The following NRXN3 variants were observed in gnomAD, a reference collection of about 807,000 sequenced individuals.
NRXN3 encodes the protein neurexin III.
Under a neutral mutation model 137.6 loss-of-function variants are expected in NRXN3, and 32 were observed. The ratio of observed to expected loss-of-function variants is 0.23; its 90% confidence interval spans 0.18 to 0.31. The LOEUF is 0.31. Ranked by LOEUF, NRXN3 falls within the 10% of genes least tolerant of loss-of-function variation. NRXN3 has a pLI of 1.00. For missense variants in NRXN3, 1,574 were observed against 2,062.5 expected (o/e 0.76, Z 4.59); for synonymous variants, 798 against 784.5 (o/e 1.02, Z -0.29).
At chr14:79,615,981 G>A (rs1303770283) in intron 16 of NRXN3, among the ~76,000 whole-genome samples, 1 of 152,134 alleles carries the variant, frequency 6.6e-6, no homozygotes, top group Non-Finnish European at 1.5e-5. Flanking sequence ...TAGTAAGTAA[G>A]AGAGCAAGAA....
At chr14:78,254,892 T>C (rs1436875956) in intron 2 of NRXN3, among the ~76,000 whole-genome samples, 6 of 152,086 alleles carry the variant, frequency 3.9e-5, no homozygotes, top group African/African-American at 1.2e-4. Flanking sequence ...GAAGCAGTAT[T>C]GAGTAGCTGC....
chr14:78,546,542 C>T (rs1304746433), intron 4 of NRXN3, among the ~76,000 whole-genome samples: 3 of 152,060 alleles, frequency 2.0e-5, no homozygotes, highest in Admixed American at 2.0e-4. Flanking sequence ...TTCCAGTCTT[C>T]GTAGAGAATG....
At chr14:79,758,831 C>A (rs2099028836) in intron 19 of NRXN3, among the ~76,000 whole-genome samples, 2 of 152,120 alleles carry the variant, frequency 1.3e-5, no homozygotes, top group African/African-American at 4.8e-5. Flanking sequence ...ATTCAAAAAC[C>A]TTTTTACCTC....
At chr14:79,810,234 G>A (rs1009547022) in intron 20 of NRXN3, among the ~76,000 whole-genome samples, 1 of 152,096 alleles carries the variant, frequency 6.6e-6, no homozygotes, top group African/African-American at 2.4e-5. Flanking sequence ...CTAATAAGTG[G>A]GCATGGCAAT....
intron 1 of NRXN3, among the ~76,000 whole-genome samples, chr14:78,189,532 C>G (rs570479472): frequency 2.6e-5 from 4 of 152,152 alleles, no homozygotes; most frequent in African/African-American, 4.8e-5. Context: ...GCCACTTAAA[C>G]TCTCTGATCC....
chr14:79,435,591 G>GACACAC (rs1165199165), intron 15 of NRXN3, among the ~76,000 whole-genome samples: 7 of 57,280 alleles, frequency 1.2e-4, no homozygotes, highest in African/African-American at 1.8e-4. Flanking sequence ...AGAACACTAA[G>GACACAC]ATACACACAC....
At chr14:78,275,273 G>T (rs922797326) in intron 2 of NRXN3, among the ~76,000 whole-genome samples, 4 of 152,074 alleles carry the variant, frequency 2.6e-5, no homozygotes, top group Admixed American at 1.3e-4. Context: ...TTCATTCACT[G>T]CTTGTATCTC....
chr14:78,952,088 A>T (rs1410029271), intron 10 of NRXN3, among the ~76,000 whole-genome samples: 1 of 152,144 alleles, frequency 6.6e-6, no homozygotes, highest in African/African-American at 2.4e-5. Flanking sequence ...TCTGTAGAAG[A>T]CTTCAAGAAA....
rs561195865 is a variant in NRXN3, at chr14:79,830,150, G to A, written c.4093+24960G>A. On this transcript the variant is annotated intron_variant, in intron 20 of 20. Transcript: ENST00000335750. ...CTGGCATGACTTGTCCAGACAAGTT[G>A]CATCATTTTAAAATGAATGAAGTTC... Among the ~76,000 whole-genome samples the A allele has an allele frequency of 2.6e-5, 4 of 152,290 alleles. No homozygotes were observed. In the East Asian group the frequency reaches 7.7e-4, roughly 29 times the overall value.
intron 15 of NRXN3, among the ~76,000 whole-genome samples, chr14:79,218,972 T>A (rs1210800725): frequency 6.6e-6 from 1 of 152,028 alleles, no homozygotes; most frequent in Non-Finnish European, 1.5e-5. Flanking sequence ...ATAGTCCCAG[T>A]GAGATATGAT....
At chr14:79,116,353 C>A (rs1318941791) in intron 15 of NRXN3, among the ~76,000 whole-genome samples, 2 of 152,206 alleles carry the variant, frequency 1.3e-5, no homozygotes, top group African/African-American at 2.4e-5. Context: ...AGACCTCTAA[C>A]TCTCTCCTGC....
chr14:78,423,617 T>C (rs1304512409), intron 4 of NRXN3, among the ~76,000 whole-genome samples: 1 of 152,198 alleles, frequency 6.6e-6, no homozygotes, highest in Admixed American at 6.5e-5. Flanking sequence ...CCACAAACTC[T>C]TTTCAAGTAA....
intron 1 of NRXN3, among the ~76,000 whole-genome samples, chr14:78,183,426 T>A (rs10483893): frequency 0.31 from 47,122 of 152,016 alleles, 8,743 homozygotes; most frequent in Middle Eastern, 0.41. Flanking sequence ...GACCAGTAGA[T>A]GTGAGTGTAG....
chr14:79,199,752 T>G (rs1355684151), intron 15 of NRXN3, among the ~76,000 whole-genome samples: 1 of 152,150 alleles, frequency 6.6e-6, no homozygotes, highest in East Asian at 1.9e-4. Flanking sequence ...AGACAAACCA[T>G]GGTTGGGGCC....
chr14:78,910,496 A>G (rs2099234032), intron 10 of NRXN3, among the ~76,000 whole-genome samples: 1 of 152,008 alleles, frequency 6.6e-6, no homozygotes, highest in Non-Finnish European at 1.5e-5. Flanking sequence ...CTGGGCCTTT[A>G]AAGTTGCTGC....
At chr14:78,603,984 T>C (rs894462549) in intron 4 of NRXN3, among the ~76,000 whole-genome samples, 2 of 152,196 alleles carry the variant, frequency 1.3e-5, no homozygotes, top group Non-Finnish European at 2.9e-5. Flanking sequence ...GGAAAGAGGT[T>C]TAATGGACTC....
At chr14:79,232,004 C>A (rs888687648) in intron 15 of NRXN3, among the ~76,000 whole-genome samples, 10 of 151,920 alleles carry the variant, frequency 6.6e-5, no homozygotes, top group Non-Finnish European at 4.4e-5. Context: ...CTTTATTGGT[C>A]TCATATAAGG....
intron 1 of NRXN3, among the ~76,000 whole-genome samples, chr14:78,175,642 G>A (rs571561576): frequency 1.3e-5 from 2 of 152,124 alleles, no homozygotes; most frequent in African/African-American, 2.4e-5. Context: ...AAGCAAGTGC[G>A]GTGCTGTGGC....
intron 16 of NRXN3, among the ~76,000 whole-genome samples, chr14:79,509,012 T>C (rs1042377675): frequency 2.6e-5 from 4 of 151,324 alleles, no homozygotes; most frequent in African/African-American, 4.9e-5. Context: ...CTGGCCAACA[T>C]GGTGAAACCC....
Sources: allele counts gnomAD v4.1 joint callset (sites outside exome capture counted in the v4.1 genomes callset), GRCh38; gene constraint gnomAD v4.1.1; transcripts MANE v1.5; gene names NCBI Gene and HGNC (gene_info 2026-07-23, HGNC 2026-07-21).